Variants in C16orf89 observed in about 807,000 individuals in gnomAD.
C16orf89 encodes the protein UPF0764 protein C16orf89.
C16orf89 carries 57 observed loss-of-function variants against 41.5 expected under a neutral mutation model. The observed-to-expected ratio is 1.38, with a 90% confidence interval of 1.11 to 1.71. The LOEUF (loss-of-function observed/expected upper bound fraction) is 1.71. Among genes scored for constraint, C16orf89 ranks in the 40% most tolerant of loss-of-function variants. The probability of loss-of-function intolerance (pLI) is 0.00; values close to 1 mark genes in which losing one functional copy is unlikely to be tolerated. For synonymous variants in C16orf89, 223 were observed against 190.6 expected, an observed-to-expected ratio of 1.17 and a Z score of -1.40; for missense variants, 575 against 445.9, an observed-to-expected ratio of 1.29 and a Z score of -2.61.
At chr16:5,047,623 A>G (rs1956322547) in intron 7 of C16orf89, among the ~76,000 whole-genome samples, 2 of 151,988 alleles carry the variant, frequency 1.3e-5, no homozygotes, top group Admixed American at 1.3e-4. Flanking sequence ...GTGTGCCACC[A>G]TGCCCAGCTA....
chr16:5,052,997 A>G (rs1012526805), intron 6 of C16orf89, among the ~76,000 whole-genome samples: 1 of 152,216 alleles, frequency 6.6e-6, no homozygotes, highest in African/African-American at 2.4e-5. Context: ...CTTGGAGGAC[A>G]TTATACTAAT....
chr16:5,053,544 T>G (rs556324211), intron 6 of C16orf89, among the ~76,000 whole-genome samples: 2 of 150,934 alleles, frequency 1.3e-5, no homozygotes, highest in African/African-American at 2.4e-5. Flanking sequence ...ATTTGTGGTT[T>G]TTTTTTTTTT....
chr16:5,060,352 A>G lies in C16orf89; in HGVS notation c.443T>C (p.Phe148Ser). The G allele has an allele frequency of 1.2e-6, 2 of 1,613,698 alleles. 1 individual carries two copies. Among genetic ancestry groups the G allele is most frequent in the East Asian group, 4.5e-5 (2 of 44,636 alleles). Reference sequence around the variant, plus strand: ...CTCTGAGAATGAGTCCTGGGGCCCGAACGTGGGGTACACCAAGGAGGCATC... The same window carrying G: ...CTCTGAGAATGAGTCCTGGGGCCCGGACGTGGGGTACACCAAGGAGGCATC... ...HTDASLVYPT[F>S]GPQDSFSEER... The change falls in exon 3 of 8, where the codon TTC becomes TCC. Residue 148 changes from phenylalanine to serine, a missense_variant. Phe to Ser is a radical substitution (Grantham distance 155). Coordinates refer to ENST00000472572, the MANE Select transcript of C16orf89 (RefSeq NM_001098514.3).
rs1956649773 is a variant in C16orf89, at chr16:5,062,587, A to G, written c.209-13T>C. 1 of 1,588,474 alleles carries G rather than the reference A, an allele frequency of 6.3e-7. No homozygotes were observed. Among genetic ancestry groups the G allele is most frequent in the South Asian group, 1.1e-5 (1 of 87,832 alleles). On this transcript the variant is annotated splice_polypyrimidine_tract_variant and intron_variant, in intron 1 of 7. Transcript: ENST00000472572. ...CTTTTTAGCTGCTCTGGAAGGGAAC[A>G]GAGTTAATTCATTCAACTATTTGGA...
At chr16:5,057,935 G>A (rs866588360) in intron 4 of C16orf89, among the ~76,000 whole-genome samples, 8 of 152,040 alleles carry the variant, frequency 5.3e-5, no homozygotes, top group Middle Eastern at 3.4e-3. Context: ...AGTTCAGCAG[G>A]CAAAGCTATC....
At chr16:5,049,751 C>G (rs1956363708) in intron 6 of C16orf89, among the ~76,000 whole-genome samples, 1 of 151,962 alleles carries the variant, frequency 6.6e-6, no homozygotes, top group South Asian at 2.1e-4. Flanking sequence ...ATCAAAAAAG[C>G]AGAAAGATTT....
At chr16:5,056,304 G>T in intron 4 of C16orf89, 116 bp from the exon 5 acceptor site, 1 of 993,246 alleles carries the variant, frequency 1.0e-6, no homozygotes, top group Non-Finnish European at 1.4e-6. Context: ...TGTGTTTAGG[G>T]CTGTGTTTAG....
intron 3 of C16orf89, among the ~76,000 whole-genome samples, chr16:5,058,874 C>T (rs1374825463): frequency 6.6e-6 from 1 of 152,106 alleles, no homozygotes; most frequent in African/African-American, 2.4e-5. Context: ...TGGGCCAAAT[C>T]ACATCTTTTC....
chr16:5,063,150 T>A (rs570108345), intron 1 of C16orf89, among the ~76,000 whole-genome samples: 3 of 152,124 alleles, frequency 2.0e-5, no homozygotes, highest in African/African-American at 7.2e-5. Flanking sequence ...TGGGGAGACA[T>A]GAGTGAGAAC....
chr16:5,044,133 T>G lies in C16orf89; in HGVS notation c.*215A>C, dbSNP rs2142585910. The G allele has an allele frequency of 1.6e-6, 2 of 1,271,680 alleles. No homozygotes were observed. The highest frequency in any genetic ancestry group is 3.4e-5 in the East Asian group (1 of 29,576). 78.8% of individuals were successfully genotyped at this position (1,271,680 alleles called of 1,614,324 possible). A position where few individuals can be genotyped will look rare whatever the true frequency, so the allele number is the denominator to read the frequency against. ...GACTCAACCCTGGGTCAGTTGCAGT[T>G]GAACTTTATTCATCCGTTCACACCT... On this transcript the variant is annotated 3_prime_UTR_variant, in exon 8 of 8. Coordinates refer to ENST00000472572, the MANE Select transcript of C16orf89 (RefSeq NM_001098514.3).
intron 5 of C16orf89, chr16:5,055,630 C>T (rs957854173): frequency 2.0e-6 from 3 of 1,469,720 alleles, no homozygotes; most frequent in Admixed American, 4.0e-5. Flanking sequence ...TAGCAGCCTC[C>T]CAAGCGCTCC....
chr16:5,059,665 C>G (rs1005412732), intron 3 of C16orf89, among the ~76,000 whole-genome samples: 1 of 152,068 alleles, frequency 6.6e-6, no homozygotes, highest in Admixed American at 6.6e-5. Flanking sequence ...CCAAGCCCAC[C>G]AAACACCAGG....
rs896611766 is a variant in C16orf89 at position 5,058,574 on chromosome 16, G to C, written c.546C>G (p.Leu182=). 2.5e-6 allele frequency: 4 copies of C among 1,612,560 alleles called. No individual in the cohort carries two copies. In the African/African-American group the frequency reaches 5.3e-5, roughly 22 times the overall value. The change falls in exon 4 of 8, where the codon CTC becomes CTG. Residue 182 remains leucine, a synonymous_variant. Coordinates refer to ENST00000472572, the MANE Select transcript of C16orf89 (RefSeq NM_001098514.3). ...CGGGCTTGGTCATGAGGCTCCTGCA[G>C]AGGTCTGAGAGGCCGCAGGGCTCGC... The part of the protein sequence containing the change: ...DSSEPCGLSD[L]CRSLMTKPGC...
chr16:5,047,944 A>T lies in C16orf89; in HGVS notation c.889T>A (p.Ser297Thr). Residue 297 changes from serine to threonine, a missense_variant, in exon 7 of 8, where the codon TCT (serine) becomes ACT (threonine). Ser to Thr is a moderately conservative substitution (Grantham distance 58, BLOSUM62 1). Transcript: ENST00000472572. Reference protein sequence around the residue: ...GEPDAEDEELSKAIQYQQHFS... With the variant: ...GEPDAEDEELTKAIQYQQHFS... ...TGCTGCTGATATTGAATAGCTTTAG[A>T]TAATTCTTCATCTTCAGCATCTGGG... 1 of 1,596,330 alleles carries T rather than the reference A, an allele frequency of 6.3e-7. No individual in the cohort carries two copies. Among genetic ancestry groups the T allele is most frequent in the Non-Finnish European group, 8.6e-7 (1 of 1,164,966 alleles).
At chr16:5,045,675 A>G (rs972688515) in intron 7 of C16orf89, among the ~76,000 whole-genome samples, 3 of 152,180 alleles carry the variant, frequency 2.0e-5, no homozygotes, top group African/African-American at 7.2e-5. Flanking sequence ...TTAGCCCCCA[A>G]CAGTTTGGTG....
At chr16:5,060,140 G>C (rs1404970510) in intron 3 of C16orf89, 146 bp downstream of exon 3, 2 of 1,001,366 alleles carry the variant, frequency 2.0e-6, no homozygotes, top group Non-Finnish European at 2.8e-6. Context: ...GGAGAGGGCA[G>C]TACCCGGCAG....
chr16:5,046,712 C>T (rs1477592198), intron 7 of C16orf89, among the ~76,000 whole-genome samples: 5 of 152,130 alleles, frequency 3.3e-5, no homozygotes, highest in Non-Finnish European at 7.4e-5. Context: ...TGGTTCCTCC[C>T]TTCCTGTGTC....
At position 5,058,496 on chromosome 16, in the gene C16orf89, T is replaced by C. The variant is rs1469932878; in HGVS notation, c.624A>G (p.Arg208=). The C allele has an allele frequency of 6.2e-7, 1 of 1,603,018 alleles. No homozygotes were observed. The highest frequency in any genetic ancestry group is 8.5e-7 in the Non-Finnish European group (1 of 1,171,978). ...CGGGGGCTCCCTGGGCACTCACCAT[T>C]CTGGCCCAGAGGAAGAAGAGCAGTT... is the stretch of plus-strand genomic sequence containing the variant. ...SHQLLFFLWA[R]MRGCTQGPLQ... The change falls in exon 4 of 8, where the codon AGA becomes AGG. Residue 208 remains arginine (R), a synonymous_variant. Transcript: ENST00000472572.
At chr16:5,059,467 C>CA (rs902358243) in intron 3 of C16orf89, among the ~76,000 whole-genome samples, 4 of 151,742 alleles carry the variant, frequency 2.6e-5, no homozygotes, top group Non-Finnish European at 5.9e-5. Context: ...GCCTCTGTCT[C>CA]AAAAAAATAA....
Sources: gnomAD v4.1 joint callset for allele counts (sites outside exome capture counted in the v4.1 genomes callset) on GRCh38, gnomAD v4.1.1 for gene constraint, MANE v1.5 for transcripts, NCBI Gene and HGNC (gene_info 2026-07-23, HGNC 2026-07-21) for gene names.